NEDD4L: variants seen among roughly 807,000 people sequenced by gnomAD.
The protein encoded by NEDD4L is NEDD4 like E3 ubiquitin protein ligase.
A neutral mutation model predicts 148.9 loss-of-function variants in NEDD4L; 54 were observed. The ratio of observed to expected loss-of-function variants is 0.36; its 90% confidence interval spans 0.29 to 0.45. NEDD4L has a LOEUF of 0.45. Among genes scored for constraint, NEDD4L ranks in the 20% least tolerant of loss-of-function variants. NEDD4L has a pLI of 1.00. For synonymous variants in NEDD4L, 433 were observed against 440.7 expected, an observed-to-expected ratio of 0.98 and a Z score of 0.22; for missense variants, 856 against 1,233.8, an observed-to-expected ratio of 0.69 and a Z score of 4.59.
intron 2 of NEDD4L, among the ~76,000 whole-genome samples, chr18:58,229,038 C>T (rs559875643): frequency 3.3e-5 from 5 of 152,296 alleles, no homozygotes; most frequent in East Asian, 1.9e-4. Flanking sequence ...TCCCTGTGCA[C>T]GTGAAGTGCT....
At chr18:58,214,791 C>T (rs1348717052) in intron 2 of NEDD4L, among the ~76,000 whole-genome samples, 21 of 79,122 alleles carry the variant, frequency 2.7e-4, no homozygotes, top group African/African-American at 1.1e-3. Context: ...CTGTTTCTTT[C>T]TTTCTTTCAT....
intron 11 of NEDD4L, among the ~76,000 whole-genome samples, chr18:58,333,219 A>G (rs2041254774): frequency 6.6e-6 from 1 of 151,814 alleles, no homozygotes; most frequent in Non-Finnish European, 1.5e-5. Flanking sequence ...CAGAGGTTGC[A>G]GTGAACTGAG....
chr18:58,154,903 T>C (rs906840820), intron 1 of NEDD4L, among the ~76,000 whole-genome samples: 10 of 152,164 alleles, frequency 6.6e-5, no homozygotes, highest in African/African-American at 2.4e-4. Flanking sequence ...TATATGTAAA[T>C]AGAAAAACAA....
chr18:58,048,596 G>A (rs193283568), intron 1 of NEDD4L, among the ~76,000 whole-genome samples: 1 of 152,274 alleles, frequency 6.6e-6, no homozygotes, highest in East Asian at 1.9e-4. Context: ...GCCTTGAAAG[G>A]TCTTACTATC....
intron 1 of NEDD4L, among the ~76,000 whole-genome samples, chr18:58,075,136 G>A (rs774490544): frequency 6.6e-6 from 1 of 152,210 alleles, no homozygotes; most frequent in African/African-American, 2.4e-5. Context: ...GGACCAGAAA[G>A]CGTCGTAGTA....
chr18:58,055,117 T>C (rs1238942637), intron 1 of NEDD4L, among the ~76,000 whole-genome samples: 1 of 152,172 alleles, frequency 6.6e-6, no homozygotes, highest in Non-Finnish European at 1.5e-5. Flanking sequence ...TATAAGACAG[T>C]GGATCCAGTA....
intron 1 of NEDD4L, among the ~76,000 whole-genome samples, chr18:58,048,291 A>G (rs116933604): frequency 0.032 from 4,851 of 152,284 alleles, 126 homozygotes; most frequent in Middle Eastern, 0.068. Flanking sequence ...TCTACTTCTT[A>G]ATCAACCATT....
rs576306775 is a variant in NEDD4L, at chr18:58,256,619, C to T, written c.297+4565C>T. On this transcript the variant is annotated intron_variant, in intron 5 of 30. Transcript: ENST00000400345. This position sits in a 1 kb window ranked among gnomAD's most constrained non-coding sequence, Gnocchi z 5.2. ...CAGGACGAACTCCGCGGAGAGGACT[C>T]CGCAGGGCCAGGGGTGCACATTTAA... 1.3e-4 allele frequency: 160 copies of T among 1,232,228 alleles called. No homozygotes were observed. The highest frequency in any genetic ancestry group is 1.4e-4 in the Non-Finnish European group (137 of 988,022). The allele number at this position is 1,232,228 out of a possible 1,614,324, so 76.3% of individuals were successfully genotyped here.
intron 5 of NEDD4L, among the ~76,000 whole-genome samples, chr18:58,270,885 G>T (rs916455375): frequency 9.2e-5 from 14 of 152,038 alleles, no homozygotes; most frequent in African/African-American, 3.4e-4. Context: ...AGGACTTAGG[G>T]TAGTTACCTT....
At chr18:58,263,764 G>C (rs745945664) in intron 5 of NEDD4L, among the ~76,000 whole-genome samples, 1 of 145,826 alleles carries the variant, frequency 6.9e-6, no homozygotes, top group Non-Finnish European at 1.5e-5. Context: ...TTTAAAAATT[G>C]AGTTGAATAG....
At chr18:58,158,677 G>T (rs78226140) in intron 1 of NEDD4L, among the ~76,000 whole-genome samples, 18 of 152,182 alleles carry the variant, frequency 1.2e-4, no homozygotes, top group African/African-American at 3.9e-4. Context: ...ACTTGACCAC[G>T]TGTTATGTGT....
intron 5 of NEDD4L, among the ~76,000 whole-genome samples, chr18:58,304,789 T>TTG: frequency 6.6e-6 from 1 of 152,320 alleles, no homozygotes; most frequent in African/African-American, 2.4e-5. Context: ...GAGCAACCAC[T>TTG]TGAAAGAGGG....
In NEDD4L at chr18:58,094,900, T is replaced by TTAAAAAAA. The variant is rs751417792; in HGVS notation, c.48+50192_48+50193insTAAAAAAA. 7.7e-4 allele frequency among the ~76,000 whole-genome samples: 100 copies of TTAAAAAAA among 129,512 alleles called. 3 individuals carry two copies. Among genetic ancestry groups the TTAAAAAAA allele is most frequent in the African/African-American group, 1.7e-3 (59 of 35,426 alleles). 85.0% of individuals were successfully genotyped at this position (129,512 alleles called of 152,430 possible). A position where few individuals can be genotyped will look rare whatever the true frequency, so the allele number is the denominator to read the frequency against. On this transcript the variant is annotated intron_variant, in intron 1 of 30. Transcript: ENST00000400345. ...CGTGAATGCCTCTAGAAAGAGCACT[T>TTAAAAAAA]AAAAAAAAAAAAAAAAAAGAAGGGA...
At chr18:58,300,160 G>C (rs1415316717) in intron 5 of NEDD4L, among the ~76,000 whole-genome samples, 1 of 152,180 alleles carries the variant, frequency 6.6e-6, no homozygotes, top group Non-Finnish European at 1.5e-5. Context: ...TTGTAACACA[G>C]GGAGAGATAG....
intron 5 of NEDD4L, among the ~76,000 whole-genome samples, chr18:58,307,807 A>T (rs1568642986): frequency 6.6e-6 from 1 of 152,186 alleles, no homozygotes; most frequent in African/African-American, 2.4e-5. Flanking sequence ...CCCAAATCCA[A>T]ATCATTTCTT....
At chr18:58,064,052 C>T (rs1374516728) in intron 1 of NEDD4L, among the ~76,000 whole-genome samples, 5 of 148,064 alleles carry the variant, frequency 3.4e-5, no homozygotes, top group East Asian at 1.9e-4. Flanking sequence ...GCAAGCTCCG[C>T]CTTCCGGGTT....
chr18:58,114,669 CATAGT>C (rs59011724), intron 1 of NEDD4L, among the ~76,000 whole-genome samples: 31,573 of 113,302 alleles, frequency 0.28, 4,907 homozygotes, highest in African/African-American at 0.57. Context: ...TATTATATCT[CATAGT>C]CATAGTCCTG....
chr18:58,259,542 G>A (rs1393386729), intron 5 of NEDD4L, among the ~76,000 whole-genome samples: 1 of 152,106 alleles, frequency 6.6e-6, no homozygotes, highest in Non-Finnish European at 1.5e-5. Context: ...GCCATTTTGT[G>A]CATAATAACT....
chr18:58,263,056 C>T (rs761129415), intron 5 of NEDD4L, among the ~76,000 whole-genome samples: 1 of 152,136 alleles, frequency 6.6e-6, no homozygotes, highest in Non-Finnish European at 1.5e-5. Context: ...GTCATGAAAT[C>T]AAATAAAAGG....
Sources: gnomAD v4.1 joint callset for allele counts (sites outside exome capture counted in the v4.1 genomes callset) on GRCh38, gnomAD v4.1.1 for gene constraint, Gnocchi (gnomAD v3.1) non-coding constraint, MANE v1.5 for transcripts, NCBI Gene and HGNC (gene_info 2026-07-23, HGNC 2026-07-21) for gene names.